The following THSD7B variants were observed in gnomAD, a reference collection of about 807,000 sequenced individuals.
THSD7B encodes the protein thrombospondin type-1 domain-containing protein 7B.
A neutral mutation model predicts 213.6 loss-of-function variants in THSD7B; 138 were observed. The observed-to-expected ratio is 0.65, with a 90% CI of 0.56 to 0.74. The LOEUF is 0.74. Ranked by LOEUF, THSD7B falls within the 30% of genes least tolerant of loss-of-function variation. THSD7B has a pLI of 0.00. For synonymous variants in THSD7B, 742 were observed against 687.0 expected, an observed-to-expected ratio of 1.08 and a Z score of -1.25; for missense variants, 1,931 against 1,991.5, an observed-to-expected ratio of 0.97 and a Z score of 0.58.
chr2:136,877,078 C>G (rs534396650), intron 1 of THSD7B, among the ~76,000 whole-genome samples: 3 of 142,610 alleles, frequency 2.1e-5, no homozygotes, highest in Non-Finnish European at 4.6e-5. Context: ...CCAGTGCGCC[C>G]GTATGTGCAT....
rs555844813 is a variant in THSD7B, at chr2:137,551,995, A to G, written c.3139-11226A>G. 5.9e-5 allele frequency among the ~76,000 whole-genome samples: 9 copies of G among 152,274 alleles called. No individual in the cohort carries two copies. The East Asian group carries it at 1.5e-3, about 26-fold the overall frequency. On this transcript the variant is annotated intron_variant, in intron 15 of 27. Transcript: ENST00000409968. ...ACCAATAGTACACGTGACAGGCATA[A>G]TAGTTTTCCTACAGATACCAATTCA...
chr2:137,121,564 A>G (rs1432213), intron 5 of THSD7B, among the ~76,000 whole-genome samples: 102,319 of 152,076 alleles, frequency 0.67, 36,407 homozygotes, highest in Non-Finnish European at 0.78. Flanking sequence ...GATTTTGGCA[A>G]TGGTTTTACA....
chr2:137,557,008 T>C (rs1202564120), intron 15 of THSD7B, among the ~76,000 whole-genome samples: 3 of 152,138 alleles, frequency 2.0e-5, no homozygotes, highest in South Asian at 2.1e-4. Context: ...TAAATATATA[T>C]GCACCCAATA....
intron 5 of THSD7B, among the ~76,000 whole-genome samples, chr2:137,126,367 C>T (rs1186080897): frequency 2.6e-5 from 4 of 152,156 alleles, no homozygotes; most frequent in African/African-American, 4.8e-5. Flanking sequence ...TTAGCACTTG[C>T]TGCTTCACTT....
intron 4 of THSD7B, among the ~76,000 whole-genome samples, chr2:137,096,967 G>C: frequency 6.6e-6 from 1 of 152,190 alleles, no homozygotes; most frequent in East Asian, 1.9e-4. Context: ...CCTCCAGAAA[G>C]AGAGTATCTC....
At chr2:137,141,633 A>G (rs1050024247) in intron 5 of THSD7B, among the ~76,000 whole-genome samples, 4 of 151,920 alleles carry the variant, frequency 2.6e-5, no homozygotes, top group African/African-American at 9.7e-5. Flanking sequence ...CCATGGGGGA[A>G]ACTTAGTGAA....
At chr2:137,400,844 G>C (rs1686338346) in intron 12 of THSD7B, among the ~76,000 whole-genome samples, 1 of 152,008 alleles carries the variant, frequency 6.6e-6, no homozygotes, top group South Asian at 2.1e-4. Context: ...ATCCTGTGCT[G>C]TGTCCTGGAG....
chr2:137,364,091 G>A (rs556443449), intron 12 of THSD7B, among the ~76,000 whole-genome samples: 16 of 152,222 alleles, frequency 1.1e-4, no homozygotes, highest in African/African-American at 1.9e-4. Context: ...TTCAACATAC[G>A]CAAATCAATA....
At position 136,823,494 on chromosome 2, in the gene THSD7B, G is replaced by A. The variant is rs539270108; in HGVS notation, c.-36+57807G>A. ...CTCCCCGTGTCTCTCTTTTTGCTTCGTCAGGTATTTCTGTGTCTTTTGCCA... is the reference window on the plus strand; with the variant it reads ...CTCCCCGTGTCTCTCTTTTTGCTTCATCAGGTATTTCTGTGTCTTTTGCCA... On this transcript the variant is annotated intron_variant, in intron 1 of 27. Coordinates refer to ENST00000409968, the MANE Select transcript of THSD7B (RefSeq NM_001316349.2). Among the ~76,000 whole-genome samples, 36 of 152,108 alleles carry A rather than the reference G, an allele frequency of 2.4e-4. No homozygotes were observed. The South Asian group carries it at 3.5e-3, about 15-fold the overall frequency.
Position 137,534,423 on chromosome 2 carries a change from T to G in THSD7B, c.3139-28798T>G, listed in dbSNP as rs1464460354. 5.3e-5 allele frequency among the ~76,000 whole-genome samples: 8 copies of G among 151,764 alleles called. No individual in the cohort carries two copies. The East Asian group carries it at 1.4e-3, about 26-fold the overall frequency. On this transcript the variant is annotated intron_variant, in intron 15 of 27. Transcript: ENST00000409968. ...TCATAAAGTTCCAGGACAGTGAATA[T>G]ATATATTTTTTTCCATTTTTTCTCT... is the stretch of plus-strand genomic sequence containing the variant.
chr2:136,798,815 AAAATTCCCATAAACTC>A (rs1682118064), intron 1 of THSD7B, among the ~76,000 whole-genome samples: 1 of 152,058 alleles, frequency 6.6e-6, no homozygotes, highest in African/African-American at 2.4e-5. Context: ...ATTTCCTTTG[AAAATTCCCATAAACTC>A]AAATTCCCAT....
At chr2:137,407,951 A>G (rs1310959516) in intron 13 of THSD7B, among the ~76,000 whole-genome samples, 2 of 150,692 alleles carry the variant, frequency 1.3e-5, no homozygotes, top group East Asian at 1.9e-4. Flanking sequence ...ATAAATATTT[A>G]TTTATAATAA....
chr2:137,526,964 G>T (rs572731043), intron 15 of THSD7B, among the ~76,000 whole-genome samples: 1 of 151,958 alleles, frequency 6.6e-6, no homozygotes, highest in Non-Finnish European at 1.5e-5. Flanking sequence ...TATCCAATCC[G>T]TAACAAACCA....
At chr2:137,622,323 G>A (rs75918806) in intron 20 of THSD7B, among the ~76,000 whole-genome samples, 17,257 of 152,066 alleles carry the variant, frequency 0.11, 1,201 homozygotes, top group South Asian at 0.22. Flanking sequence ...GAGACTCAAG[G>A]TAAGTTCTTC....
chr2:137,206,350 T>C (rs1680983579), intron 7 of THSD7B, among the ~76,000 whole-genome samples: 1 of 152,186 alleles, frequency 6.6e-6, no homozygotes, highest in East Asian at 1.9e-4. Flanking sequence ...ATCTTGACTT[T>C]CAACAGTATG....
At chr2:137,065,700 A>C (rs1030181299) in intron 3 of THSD7B, among the ~76,000 whole-genome samples, 11 of 151,962 alleles carry the variant, frequency 7.2e-5, no homozygotes, top group Admixed American at 2.0e-4. Flanking sequence ...CATATCAGTT[A>C]TACATATCTT....
chr2:137,073,241 T>C (rs1687538823), intron 3 of THSD7B, among the ~76,000 whole-genome samples: 1 of 152,144 alleles, frequency 6.6e-6, no homozygotes, highest in Admixed American at 6.5e-5. Context: ...TCCTGGACTT[T>C]TTTTGGTTGG....
chr2:137,191,776 C>T (rs1400174179), intron 7 of THSD7B, among the ~76,000 whole-genome samples: 1 of 152,056 alleles, frequency 6.6e-6, no homozygotes, highest in African/African-American at 2.4e-5. Flanking sequence ...CTTACACAGC[C>T]CTACTTCAGC....
intron 12 of THSD7B, among the ~76,000 whole-genome samples, chr2:137,382,503 A>AG (rs1460890284): frequency 1.3e-5 from 2 of 152,180 alleles, no homozygotes; most frequent in African/African-American, 4.8e-5. Flanking sequence ...CCAATGATGG[A>AG]AGGGAGCTGA....
Sources: allele counts gnomAD v4.1 joint callset (sites outside exome capture counted in the v4.1 genomes callset), GRCh38; gene constraint gnomAD v4.1.1; transcripts MANE v1.5; gene names NCBI Gene and HGNC (gene_info 2026-07-23, HGNC 2026-07-21).